The following INTS6 variants were observed in gnomAD, a reference collection of about 807,000 sequenced individuals.
INTS6 encodes integrator complex subunit 6, also known as DEAD box protein.
A neutral mutation model predicts 104.9 loss-of-function variants in INTS6; 16 were observed. The observed-to-expected ratio is 0.15, with a 90% CI of 0.10 to 0.23. The LOEUF is 0.23. Ranked by LOEUF, INTS6 falls within the 10% of genes least tolerant of loss-of-function variation. The probability of loss-of-function intolerance (pLI) is 1.00; values close to 1 mark genes in which losing one functional copy is unlikely to be tolerated. For missense variants in INTS6, 584 were observed against 1,062.8 expected (o/e 0.55, Z 6.26); for synonymous variants, 324 against 358.7 (o/e 0.90, Z 1.09).
chr13:51,351,612 A>T (rs372342246), downstream of INTS6, among the ~76,000 whole-genome samples: 35 of 152,186 alleles, frequency 2.3e-4, no homozygotes, highest in African/African-American at 8.2e-4. Context: ...GTGTCCTTTG[A>T]AGCACAAAAG....
At chr13:51,372,239 C>T (rs60871661) in intron 15 of INTS6, among the ~76,000 whole-genome samples, 5,105 of 152,062 alleles carry the variant, frequency 0.034, 289 homozygotes, top group African/African-American at 0.12. Flanking sequence ...CCCTTTACTC[C>T]ACAGAAACTG....
rs1242952012 is a variant in INTS6 at position 51,376,116 on chromosome 13, T to A, written c.1661A>T (p.Asp554Val). Reference sequence around the variant, plus strand: ...ATTAGATCTCATTCTTGTTAAGTGATCCAAAAGATTTCGTCTTGGTATGTC... The same window carrying A: ...ATTAGATCTCATTCTTGTTAAGTGAACCAAAAGATTTCGTCTTGGTATGTC... ...AYDIPRRNLL[D>V]HLTRMRSNLL... Residue 554 changes from aspartate (D) to valine (V), a missense_variant, in exon 13 of 18, where the codon GAT (aspartate) becomes GTT (valine). Physicochemically the swap from Asp to Val is radical, Grantham distance 152. Transcript: ENST00000311234. 6.2e-7 allele frequency: 1 copy of A among 1,612,392 alleles called. No homozygotes were observed. The highest frequency in any genetic ancestry group is 1.7e-5 in the Admixed American group (1 of 59,926).
chr13:51,341,070 T>G, the INTS6 span: 9 of 1,609,642 alleles, frequency 5.6e-6, no homozygotes, highest in South Asian at 9.9e-5. Flanking sequence ...CCCTCTGAAT[T>G]GCAGGAACCC....
chr13:51,335,311 A>C, the INTS6 span, among the ~76,000 whole-genome samples: 11 of 152,212 alleles, frequency 7.2e-5, no homozygotes, highest in Non-Finnish European at 1.3e-4. Flanking sequence ...AGAAAACAAC[A>C]ACCACAATAT....
chr13:51,362,076 G>T lies in INTS6; in HGVS notation c.*3676C>A. 1 of 1,547,734 alleles carries T rather than the reference G, an allele frequency of 6.5e-7. No homozygotes were observed. ...AGGGGACTATTTCGTAAGTACAAAG[G>T]AAACTTATCCTCCATGTTTTTTACC... On this transcript the variant is annotated 3_prime_UTR_variant, in exon 18 of 18. Coordinates refer to ENST00000311234, the MANE Select transcript of INTS6 (RefSeq NM_012141.3).
At chr13:51,348,483 G>A in the INTS6 span, 2 of 1,320,526 alleles carry the variant, frequency 1.5e-6, no homozygotes, top group East Asian at 2.3e-5. Flanking sequence ...GCACACAGGT[G>A]GTCTGCCTCC....
At chr13:51,443,520 T>C (rs1952836096) in intron 3 of INTS6, 1 of 152,260 alleles carries the variant, frequency 6.6e-6, no homozygotes, top group African/African-American at 2.4e-5. Context: ...TAAACTTTTA[T>C]AGACTAATAG....
chr13:51,369,335 A>T lies in INTS6; in HGVS notation c.2105-25T>A, dbSNP rs772803087. ...ACTAAAAACAAAGATACGGGGAAAA[A>T]ATTATGGGATCCAGTCTCAAAGCAT... On this transcript the variant is annotated intron_variant, in intron 15 of 17. Transcript: ENST00000311234. 12 of 1,575,490 alleles carry T rather than the reference A, an allele frequency of 7.6e-6. No individual in the cohort carries two copies. In the Admixed American group the frequency reaches 1.9e-4, roughly 25 times the overall value.
intron 4 of INTS6, among the ~76,000 whole-genome samples, chr13:51,429,728 C>A (rs1169324516): frequency 8.0e-6 from 1 of 124,390 alleles, no homozygotes; most frequent in African/African-American, 3.2e-5. Flanking sequence ...TGTGCCACTG[C>A]ACTCTAGCCG....
intron 3 of INTS6, among the ~76,000 whole-genome samples, chr13:51,354,632 C>T (rs1955452747): frequency 6.6e-6 from 1 of 151,742 alleles, no homozygotes; most frequent in South Asian, 2.1e-4. Context: ...TTGGGATAGC[C>T]ACTTTTCTCA....
intron 3 of INTS6, chr13:51,449,343 C>T (rs1219704645): frequency 2.7e-5 from 11 of 410,490 alleles, no homozygotes; most frequent in Admixed American, 6.4e-5. Context: ...CCACCTTTCC[C>T]GCAAACTTTT....
chr13:51,450,127 C>A, intron 3 of INTS6: 2 of 985,102 alleles, frequency 2.0e-6, no homozygotes, highest in Non-Finnish European at 2.4e-6. Context: ...TGGGAAAATA[C>A]AACATATACC....
At chr13:51,350,336 A>G (rs1955392540), downstream of INTS6, among the ~76,000 whole-genome samples, 1 of 152,228 alleles carries the variant, frequency 6.6e-6, no homozygotes, top group South Asian at 2.1e-4. Context: ...CGCTTAGCAT[A>G]CTAAAGGAAT....
intron 4 of INTS6, among the ~76,000 whole-genome samples, chr13:51,429,121 G>C (rs1035127218): frequency 2.0e-5 from 3 of 152,146 alleles, no homozygotes; most frequent in Admixed American, 2.0e-4. Context: ...TTTACTGCTA[G>C]AAAGTAGATA....
intron 7 of INTS6, chr13:51,384,008 T>C (rs1956095550): frequency 4.1e-6 from 1 of 242,368 alleles, no homozygotes; most frequent in Admixed American, 5.1e-5. Flanking sequence ...TGAGTATTCA[T>C]TAATTTTTAC....
intron 3 of INTS6, chr13:51,450,722 G>GTA (rs1285019900): frequency 9.7e-7 from 1 of 1,027,490 alleles, no homozygotes; most frequent in East Asian, 8.3e-5. Flanking sequence ...GTGTGGTGTG[G>GTA]TAGGATGCTT....
chr13:51,420,443 C>CA (rs1428922498), intron 4 of INTS6, among the ~76,000 whole-genome samples: 3 of 151,762 alleles, frequency 2.0e-5, no homozygotes, highest in African/African-American at 7.3e-5. Context: ...GTGAGTGCTT[C>CA]AAATCACAGA....
chr13:51,350,745 T>C (rs1420409407), downstream of INTS6, among the ~76,000 whole-genome samples: 5 of 152,126 alleles, frequency 3.3e-5, no homozygotes, highest in African/African-American at 1.2e-4. Flanking sequence ...TTCCAGAACC[T>C]TTTCATCACC....
Position 51,452,080 on chromosome 13 carries a change from G to A in INTS6, c.112-25C>T, listed in dbSNP as rs751220463. ...GCTGCGGGACGGGAGGAGGAACAGG[G>A]CGGGCGACAGGGAAGCACAGAGGCG... On this transcript the variant is annotated intron_variant, in intron 1 of 17. Transcript: ENST00000311234. This position sits in a 1 kb window ranked among gnomAD's most constrained non-coding sequence, Gnocchi z 4.2. 34 of 1,603,512 alleles carry A rather than the reference G, an allele frequency of 2.1e-5. No homozygotes were observed. Among genetic ancestry groups the A allele is most frequent in the South Asian group, 3.3e-5 (3 of 90,752 alleles).
Sources: gnomAD v4.1 joint callset for allele counts (sites outside exome capture counted in the v4.1 genomes callset) on GRCh38, gnomAD v4.1.1 for gene constraint, Gnocchi (gnomAD v3.1) non-coding constraint, MANE v1.5 for transcripts, NCBI Gene and HGNC (gene_info 2026-07-23, HGNC 2026-07-21) for gene names.